GPM6B: variants seen among roughly 807,000 people sequenced by gnomAD.
GPM6B encodes the protein neuronal membrane glycoprotein M6-b.
Under a neutral mutation model 27.2 loss-of-function variants are expected in GPM6B, and 4 were observed. The observed-to-expected ratio is 0.15, with a 90% CI of 0.07 to 0.34. GPM6B has a LOEUF of 0.34. GPM6B is among the 10% of genes least tolerant of loss of function. GPM6B has a pLI of 1.00. For synonymous variants in GPM6B, 124 were observed against 103.1 expected, an observed-to-expected ratio of 1.20 and a Z score of -1.23; for missense variants, 183 against 261.9, an observed-to-expected ratio of 0.70 and a Z score of 2.08.
intron 1 of GPM6B, among the ~76,000 whole-genome samples, chrX:13,876,955 T>C (rs956240009): frequency 5.4e-5 from 6 of 111,244 alleles, no homozygotes; most frequent in African/African-American, 2.0e-4. Flanking sequence ...CTGTAGTTCA[T>C]GCAAGTGCAC....
chrX:13,778,134 C>T (rs1427065799), intron 5 of GPM6B, among the ~76,000 whole-genome samples: 1 of 107,858 alleles, frequency 9.3e-6, no homozygotes, highest in Non-Finnish European at 1.9e-5. Context: ...ACTGCAGCCT[C>T]CACCTCCCGG....
At chrX:13,931,679 C>T (rs1921571371) in intron 1 of GPM6B, among the ~76,000 whole-genome samples, 1 of 111,194 alleles carries the variant, frequency 9.0e-6, no homozygotes, top group Non-Finnish European at 1.9e-5. Context: ...AAACAATGGA[C>T]TTACAAAAAA....
intron 1 of GPM6B, among the ~76,000 whole-genome samples, chrX:13,934,832 C>T (rs866837724): frequency 3.6e-5 from 4 of 111,846 alleles, no homozygotes; most frequent in Non-Finnish European, 5.6e-5. Flanking sequence ...GATTTACCCA[C>T]GATCACACAG....
intron 1 of GPM6B, among the ~76,000 whole-genome samples, chrX:13,830,471 C>T (rs955927955): frequency 1.8e-5 from 2 of 112,318 alleles, no homozygotes; most frequent in African/African-American, 6.5e-5. Flanking sequence ...CCTTTCAGTT[C>T]TTCCTTACTT....
intron 3 of GPM6B, 54 bp from the exon 4 acceptor site, chrX:13,783,575 T>C (rs1160372736): frequency 2.1e-5 from 21 of 1,003,267 alleles, no homozygotes; most frequent in East Asian, 1.6e-4. Flanking sequence ...TGGTAGTGAC[T>C]ACGTTTCTGG....
chrX:13,829,882 A>G (rs866465810), intron 1 of GPM6B, among the ~76,000 whole-genome samples: 1 of 70,621 alleles, frequency 1.4e-5, no homozygotes, highest in Non-Finnish European at 3.3e-5. Context: ...TTTTTTTTTT[A>G]AAGCACAGTG....
At chrX:13,822,785 CAAG>C (rs1202697258) in intron 1 of GPM6B, among the ~76,000 whole-genome samples, 1 of 111,575 alleles carries the variant, frequency 9.0e-6, no homozygotes, top group Non-Finnish European at 1.9e-5. Context: ...ATAAATACAG[CAAG>C]AATTCTTAAA....
At chrX:13,938,200 G>A in intron 1 of GPM6B, 1 of 226,922 alleles carries the variant, frequency 4.4e-6, no homozygotes, top group Non-Finnish European at 8.0e-6. Context: ...CGCGCCGTCT[G>A]TTCTCTCTGC....
At chrX:13,810,137 AC>A (rs908666639) in intron 1 of GPM6B, among the ~76,000 whole-genome samples, 11 of 110,478 alleles carry the variant, frequency 1.0e-4, no homozygotes, top group African/African-American at 3.3e-4. Flanking sequence ...AAGAAAAAAA[AC>A]CCCCAAAAAA....
At chrX:13,773,526 A>AC (rs2048342698) in intron 7 of GPM6B, 2 of 111,981 alleles carry the variant, frequency 1.8e-5, no homozygotes, top group African/African-American at 6.5e-5. Context: ...AAATTAAATG[A>AC]ATGTCAAAAC....
intron 1 of GPM6B, among the ~76,000 whole-genome samples, chrX:13,826,587 A>T (rs1322488737): frequency 2.9e-5 from 3 of 102,372 alleles, no homozygotes; most frequent in African/African-American, 7.7e-5. Context: ...CATACATACA[A>T]GATAGCCAAG....
chrX:13,833,348 C>T (rs1393650731), intron 1 of GPM6B, among the ~76,000 whole-genome samples: 4 of 110,460 alleles, frequency 3.6e-5, no homozygotes, highest in Non-Finnish European at 7.6e-5. Flanking sequence ...ACCTCACAAG[C>T]TATTTGATAA....
intron 1 of GPM6B, among the ~76,000 whole-genome samples, chrX:13,924,301 T>A (rs1180573767): frequency 8.9e-6 from 1 of 111,802 alleles, no homozygotes; most frequent in Admixed American, 9.5e-5. Context: ...CTTTATTTTT[T>A]ATTTTTATTC....
chrX:13,897,124 T>C (rs16999087), intron 1 of GPM6B, among the ~76,000 whole-genome samples: 22,104 of 111,537 alleles, frequency 0.2, 1,729 homozygotes, highest in South Asian at 0.34. Context: ...CTCAACACAA[T>C]TGGGCTCAGT....
chrX:13,789,774 CAAAACA>C (rs60831232), intron 2 of GPM6B, among the ~76,000 whole-genome samples: 34,085 of 106,079 alleles, frequency 0.32, 4,713 homozygotes, highest in Non-Finnish European at 0.39. Context: ...GACTCCATCT[CAAAACA>C]AAAACAAAAA....
chrX:13,864,778 A>G (rs2049890679), intron 1 of GPM6B, among the ~76,000 whole-genome samples: 1 of 111,784 alleles, frequency 8.9e-6, no homozygotes, highest in African/African-American at 3.3e-5. Flanking sequence ...GGAGAAAGTC[A>G]GAAAGGTGTG....
chrX:13,861,033 C>T (rs1037073326), intron 1 of GPM6B, among the ~76,000 whole-genome samples: 67 of 91,510 alleles, frequency 7.3e-4, no homozygotes, highest in Non-Finnish European at 1.1e-3. Flanking sequence ...CACACACACA[C>T]ACACACACAC....
Position 13,886,423 on chromosome X carries a change from G to A in GPM6B, c.-198+51904C>T, listed in dbSNP as rs190903062. On this transcript the variant is annotated intron_variant, in intron 1 of 6. Coordinates refer to the GPM6B transcript ENST00000398361. ...ATCAGGATAGAGTTACTTTACTTGA[G>A]TACCTGAAAAACGCTTCCACACAAA... Among the ~76,000 whole-genome samples the A allele has an allele frequency of 3.7e-3, 410 of 109,982 alleles. 3 individuals carry two copies. The highest frequency in any genetic ancestry group is 0.013 in the African/African-American group (395 of 30,059).
At chrX:13,817,289 A>T, upstream of GPM6B, 3 of 780,321 alleles carry the variant, frequency 3.8e-6, no homozygotes, top group South Asian at 2.0e-4. Context: ...CTTTCTTAAG[A>T]TCTCAATCTC....
Sources: gnomAD v4.1 joint callset for allele counts (sites outside exome capture counted in the v4.1 genomes callset) on GRCh38, gnomAD v4.1.1 for gene constraint, MANE v1.5 for transcripts, NCBI Gene and HGNC (gene_info 2026-07-23, HGNC 2026-07-21) for gene names.